MYO10: variants seen among roughly 807,000 people sequenced by gnomAD.
The protein encoded by MYO10 is unconventional myosin-X.
A neutral mutation model predicts 257.3 loss-of-function variants in MYO10; 133 were observed. The observed-to-expected ratio is 0.52, with a 90% confidence interval of 0.45 to 0.60. The LOEUF is 0.60. Ranked by LOEUF, MYO10 falls within the 20% of genes least tolerant of loss-of-function variation. MYO10 has a pLI of 0.00. For synonymous variants in MYO10, 1,104 were observed against 1,028.6 expected (o/e 1.07, Z -1.40); for missense variants, 2,399 against 2,635.7 (o/e 0.91, Z 1.97).
chr5:16,781,898 CACAA>C, intron 5 of MYO10, 69 bp from the exon 6 acceptor site: 2 of 1,537,062 alleles, frequency 1.3e-6, no homozygotes, highest in Non-Finnish European at 1.8e-6. Context: ...TAGCACTTCT[CACAA>C]ATGTCAAAAT....
intron 1 of MYO10, among the ~76,000 whole-genome samples, chr5:16,923,583 G>A (rs555468299): frequency 5.1e-4 from 74 of 145,980 alleles, no homozygotes; most frequent in Non-Finnish European, 1.1e-3. Context: ...CACCACACCC[G>A]GCCACCTGGC....
chr5:16,790,855 A>C (rs1048762672), intron 4 of MYO10, among the ~76,000 whole-genome samples: 19 of 151,826 alleles, frequency 1.3e-4, no homozygotes, highest in African/African-American at 4.4e-4. Context: ...AAAGTCAAAC[A>C]CTGACCTTAT....
At chr5:16,765,825 G>A (rs938518652) in intron 11 of MYO10, among the ~76,000 whole-genome samples, 2 of 152,140 alleles carry the variant, frequency 1.3e-5, no homozygotes, top group African/African-American at 4.8e-5. Flanking sequence ...TTCAAAGTCA[G>A]GCAATCTGCA....
At chr5:16,926,692 ACT>A (rs1490643259) in intron 1 of MYO10, among the ~76,000 whole-genome samples, 2 of 135,840 alleles carry the variant, frequency 1.5e-5, no homozygotes, top group African/African-American at 5.7e-5. Context: ...AAAGAGGAAG[ACT>A]CTGTCCCAGC....
At chr5:16,902,495 T>G in intron 1 of MYO10, 2 of 1,550,634 alleles carry the variant, frequency 1.3e-6, no homozygotes, top group Admixed American at 3.3e-5. Context: ...TGTCCCTGAC[T>G]GCTGCGGCCT....
intron 2 of MYO10, among the ~76,000 whole-genome samples, chr5:16,822,781 A>G (rs899468194): frequency 1.0e-4 from 15 of 149,550 alleles, no homozygotes; most frequent in African/African-American, 2.2e-4. Context: ...TCCGCCTCCC[A>G]GGTTCAGGCC....
At chr5:16,935,755 C>T in intron 1 of MYO10, 33 bp downstream of exon 1, 2 of 1,613,340 alleles carry the variant, frequency 1.2e-6, no homozygotes, top group African/African-American at 1.3e-5. Context: ...TCCCTGGGCT[C>T]CGGAGGCCAG....
At chr5:16,737,744 G>A (rs1463167910) in intron 19 of MYO10, among the ~76,000 whole-genome samples, 2 of 152,188 alleles carry the variant, frequency 1.3e-5, no homozygotes, top group Non-Finnish European at 2.9e-5. Context: ...CGTTGAGAGA[G>A]GAGAGTGTTA....
chr5:16,897,576 C>T (rs1745251907), intron 1 of MYO10, among the ~76,000 whole-genome samples: 1 of 152,224 alleles, frequency 6.6e-6, no homozygotes, highest in Admixed American at 6.5e-5. Flanking sequence ...CCAACACCAG[C>T]AAACTGGAAG....
rs746751894 is a variant in MYO10 at position 16,762,115 on chromosome 5, TAAAAAAAAAA to T, written c.1588-12_1588-3del. The stretch of plus-strand genomic sequence containing the variant: ...GGGCTTCACATAAAAGTGGTTATTC[TAAAAAAAAAA>T]AAAAAAAAAAAAAAAAAAATACAAT... On this transcript the variant is annotated splice_polypyrimidine_tract_variant and splice_region_variant and intron_variant, in intron 15 of 40. Transcript: ENST00000513610. 9.3e-5 allele frequency: 53 copies of T among 567,518 alleles called. No individual in the cohort carries two copies. Among genetic ancestry groups the T allele is most frequent in the Non-Finnish European group, 1.1e-4 (44 of 400,668 alleles). 35.2% of individuals were successfully genotyped at this position (567,518 alleles called of 1,614,324 possible).
At chr5:16,686,186 G>T (rs1433377589) in intron 28 of MYO10, among the ~76,000 whole-genome samples, 1 of 152,026 alleles carries the variant, frequency 6.6e-6, no homozygotes, top group Non-Finnish European at 1.5e-5. Flanking sequence ...CTTATATCAA[G>T]GATCCTTACT....
In MYO10 at chr5:16,862,536, T is replaced by G. The variant is rs559286055; in HGVS notation, c.120+15073A>C. Among the ~76,000 whole-genome samples, 4 of 152,290 alleles carry G rather than the reference T, an allele frequency of 2.6e-5. No homozygotes were observed. The East Asian group carries it at 7.7e-4, about 29-fold the overall frequency. On this transcript the variant is annotated intron_variant, in intron 2 of 40. Transcript: ENST00000513610. ...TTGTTCCCAAACAAGGCCTTCGCAT[T>G]TTTCACAAAATATGACTTTGTTAAA... is the stretch of plus-strand genomic sequence containing the variant.
Position 16,675,031 on chromosome 5 carries a change from C to A in MYO10, c.4786G>T (p.Gly1596Trp). ...TCCCGCAGAGGTCGCAGGTCATGCC[C>A]TGTCTGTAGGATGCCCTGGATTATT... ...IPIIQGILQTGHDLRPLRDEL... is the reference protein window; with the variant it reads ...IPIIQGILQTWHDLRPLRDEL... The change falls in exon 35 of 41, where the codon GGG (glycine) becomes TGG (tryptophan). Residue 1596 changes from glycine (G) to tryptophan (W), a missense_variant. By Grantham distance (184) the Gly-to-Trp change is radical (BLOSUM62 -2). This residue lies in a region of MYO10 where 1,820 missense variants were observed against 1,939.4 expected (regional missense o/e 0.94). Transcript: ENST00000513610. 6.2e-7 allele frequency: 1 copy of A among 1,613,966 alleles called. No individual in the cohort carries two copies. The highest frequency in any genetic ancestry group is 8.5e-7 in the Non-Finnish European group (1 of 1,179,902).
At position 16,701,750 on chromosome 5, in the gene MYO10, TTC is replaced by T; in HGVS notation, c.2643_2644del (p.Lys882GlyfsTer3). 1 of 1,614,040 alleles carries T rather than the reference TTC, an allele frequency of 6.2e-7. No homozygotes were observed. The highest frequency in any genetic ancestry group is 8.5e-7 in the Non-Finnish European group (1 of 1,179,908). On this transcript the variant is annotated frameshift_variant, in exon 25 of 41. Transcript: ENST00000513610. LOFTEE classifies it high-confidence loss of function. This position sits in a 1 kb window ranked among gnomAD's most constrained non-coding sequence, Gnocchi z 8.1. Reference sequence around the variant, plus strand: ...GATCTCTTCCACCTGCTTATTTTCCTTCTGTTTCTCCAGTTCACGGGTCAGTT... The same window carrying T: ...GATCTCTTCCACCTGCTTATTTTCCTTGTTTCTCCAGTTCACGGGTCAGTT...
chr5:16,720,355 A>T (rs575902217), intron 19 of MYO10, among the ~76,000 whole-genome samples: 1 of 152,324 alleles, frequency 6.6e-6, no homozygotes, highest in South Asian at 2.1e-4. Context: ...CAACCTCCAC[A>T]TTGCTAGACT....
intron 2 of MYO10, among the ~76,000 whole-genome samples, chr5:16,874,222 T>C (rs1292893657): frequency 6.6e-6 from 1 of 151,284 alleles, no homozygotes; most frequent in African/African-American, 2.4e-5. Context: ...TAGTCCCAGC[T>C]ACTCAGGAGG....
At chr5:16,842,999 G>A (rs31499) in intron 2 of MYO10, among the ~76,000 whole-genome samples, 48,352 of 151,162 alleles carry the variant, frequency 0.32, 8,832 homozygotes, top group African/African-American at 0.5. Context: ...CTTGACACCC[G>A]TTGGCTCAAT....
At chr5:16,915,138 T>C (rs892225405) in intron 1 of MYO10, among the ~76,000 whole-genome samples, 4 of 152,140 alleles carry the variant, frequency 2.6e-5, no homozygotes, top group African/African-American at 9.7e-5. Context: ...AAAATAATAT[T>C]GATCACACAA....
In MYO10 at chr5:16,674,249, C is replaced by T. The variant is rs557972043; in HGVS notation, c.4965-360G>A. ...TTGGGAGGCCGAGGCGGGTGGATCA[C>T]CTGAGGTCAGAAGTTCGAGACCAGC... is the stretch of plus-strand genomic sequence containing the variant. On this transcript the variant is annotated intron_variant, in intron 35 of 40. Coordinates refer to ENST00000513610, the MANE Select transcript of MYO10 (RefSeq NM_012334.3). Among the ~76,000 whole-genome samples the T allele has an allele frequency of 2.0e-5, 3 of 152,268 alleles. No homozygotes were observed. The East Asian group carries it at 5.8e-4, about 30-fold the overall frequency.
Sources: allele counts gnomAD v4.1 joint callset (sites outside exome capture counted in the v4.1 genomes callset), GRCh38; gene constraint gnomAD v4.1.1; regional missense constraint gnomAD v4.1.1; non-coding constraint Gnocchi (gnomAD v3.1); transcripts MANE v1.5; gene names NCBI Gene and HGNC (gene_info 2026-07-23, HGNC 2026-07-21).